Variants in CSTF3 observed in about 807,000 individuals in gnomAD.
CSTF3 encodes cleavage stimulation factor subunit 3, also known as CF-1 77 kDa subunit.
Under a neutral mutation model 105.8 loss-of-function variants are expected in CSTF3, and 29 were observed. The observed-to-expected ratio is 0.27, with a 90% CI of 0.20 to 0.37. The LOEUF is 0.37. Ranked by LOEUF, CSTF3 falls within the 10% of genes least tolerant of loss-of-function variation. CSTF3 has a pLI of 1.00. For missense variants in CSTF3, 357 were observed against 879.3 expected (o/e 0.41, Z 7.51); for synonymous variants, 252 against 281.9 (o/e 0.89, Z 1.06).
intron 1 of CSTF3, among the ~76,000 whole-genome samples, chr11:33,152,824 G>T (rs1048162532): frequency 2.6e-5 from 4 of 151,982 alleles, no homozygotes; most frequent in Non-Finnish European, 5.9e-5. Flanking sequence ...GCTGGGTGTG[G>T]GCACATGCCT....
intron 1 of CSTF3, among the ~76,000 whole-genome samples, chr11:33,155,690 T>C (rs1406395242): frequency 6.6e-6 from 1 of 152,120 alleles, no homozygotes; most frequent in African/African-American, 2.4e-5. Flanking sequence ...AATCTAAAGA[T>C]AGTTTAAACA....
Position 33,136,486 on chromosome 11 carries a change from A to G in CSTF3, c.225+5181T>C, listed in dbSNP as rs1235695788. ...TCTTCATTTCCTGGAAGTGCCTTGA[A>G]CCAGACTCATTCCAAAGGAATAGCT... On this transcript the variant is annotated intron_variant, in intron 3 of 20. Coordinates refer to ENST00000323959, the MANE Select transcript of CSTF3 (RefSeq NM_001326.3). Among the ~76,000 whole-genome samples the G allele has an allele frequency of 8.5e-5, 13 of 152,126 alleles. No individual in the cohort carries two copies. In the East Asian group the frequency reaches 2.5e-3, roughly 29 times the overall value.
intron 8 of CSTF3, among the ~76,000 whole-genome samples, chr11:33,103,682 A>C (rs1398086986): frequency 6.6e-6 from 1 of 152,032 alleles, no homozygotes; most frequent in African/African-American, 2.4e-5. Flanking sequence ...AGGCAGGAGA[A>C]TTGCTTGAAA....
At chr11:33,142,100 A>G in intron 1 of CSTF3, 114 bp from the exon 2 acceptor site, 1 of 1,489,698 alleles carries the variant, frequency 6.7e-7, no homozygotes, top group Non-Finnish European at 9.0e-7. Flanking sequence ...AAGCATAAAA[A>G]TATCCTCTTA....
chr11:33,095,714 C>A (rs929113912), intron 15 of CSTF3, among the ~76,000 whole-genome samples: 1 of 150,712 alleles, frequency 6.6e-6, no homozygotes, highest in Non-Finnish European at 1.5e-5. Flanking sequence ...CCAGCTACTC[C>A]GGAGGCTGAG....
Position 33,113,243 on chromosome 11 carries a change from A to G in CSTF3, c.226-4825T>C, listed in dbSNP as rs566295628. Among the ~76,000 whole-genome samples, 279 of 145,976 alleles carry G rather than the reference A, an allele frequency of 1.9e-3. 2 individuals are homozygous for G. The highest frequency in any genetic ancestry group is 6.2e-3 in the African/African-American group (251 of 40,632). On this transcript the variant is annotated intron_variant, in intron 3 of 20. Transcript: ENST00000323959. ...TAAATAAATAAATAAATAAATAAAT[A>G]AATGAATAAGACCATTATATGCATA...
chr11:33,099,157 G>GA lies in CSTF3; in HGVS notation c.937-8dup, dbSNP rs746570937. 9.6e-6 allele frequency: 15 copies of GA among 1,566,724 alleles called. No individual in the cohort carries two copies. Among genetic ancestry groups the GA allele is most frequent in the South Asian group, 7.3e-5 (6 of 82,136 alleles). ...ATTTGGCATTATTCATATCCTGGTAGAAAAAAAAGAAAGCTCATCTTCAAT... is the reference window on the plus strand; with the variant it reads ...ATTTGGCATTATTCATATCCTGGTAGAAAAAAAAAGAAAGCTCATCTTCAAT... On this transcript the variant is annotated splice_polypyrimidine_tract_variant and splice_region_variant and intron_variant, in intron 11 of 20. Coordinates refer to ENST00000323959, the MANE Select transcript of CSTF3 (RefSeq NM_001326.3). The surrounding 1 kb of genome is among the most constrained non-coding windows in gnomAD (Gnocchi z 4.1).
chr11:33,155,256 AGG>A (rs1162796515), intron 1 of CSTF3, among the ~76,000 whole-genome samples: 2 of 151,816 alleles, frequency 1.3e-5, no homozygotes, highest in African/African-American at 4.8e-5. Context: ...CCCCGCTACT[AGG>A]GAGGCTGAGG....
chr11:33,125,125 A>G (rs1298954217), intron 3 of CSTF3, among the ~76,000 whole-genome samples: 1 of 152,198 alleles, frequency 6.6e-6, no homozygotes. Context: ...CTCTACTTCT[A>G]GAACTTCAAG....
At chr11:33,161,172 TTC>T (rs1276260362) in intron 1 of CSTF3, 125 bp downstream of exon 1, 6 of 941,444 alleles carry the variant, frequency 6.4e-6, no homozygotes, top group Non-Finnish European at 9.6e-6. Context: ...CCCACCACTC[TTC>T]TATATACCCT....
At chr11:33,105,974 T>C (rs1565006181) in intron 6 of CSTF3, 24 bp downstream of exon 6, 1 of 1,588,504 alleles carries the variant, frequency 6.3e-7, no homozygotes, top group Admixed American at 1.7e-5. Flanking sequence ...TTTAAGTGCA[T>C]ACATTAAAAA....
intron 1 of CSTF3, among the ~76,000 whole-genome samples, chr11:33,148,114 G>T (rs1443995487): frequency 1.3e-5 from 2 of 152,078 alleles, no homozygotes; most frequent in African/African-American, 2.4e-5. Flanking sequence ...ATCAGGTAAG[G>T]TATACCATAT....
At chr11:33,118,149 G>T (rs1429815422) in intron 3 of CSTF3, among the ~76,000 whole-genome samples, 1 of 150,996 alleles carries the variant, frequency 6.6e-6, no homozygotes, top group Non-Finnish European at 1.5e-5. Context: ...TCTCTTCGGA[G>T]TAATTCATTG....
intron 1 of CSTF3, among the ~76,000 whole-genome samples, chr11:33,154,253 G>T (rs1035998774): frequency 6.6e-6 from 1 of 151,880 alleles, no homozygotes. Context: ...GACATAAATG[G>T]GCCATGGGCT....
In CSTF3 at chr11:33,139,514, G is replaced by T. The variant is rs185074546; in HGVS notation, c.225+2153C>A. ...TATTAATGGCCACATTGAGTGATAT[G>T]ATCAAAGAAAACTTTAGCCTCTCAC... On this transcript the variant is annotated intron_variant, in intron 3 of 20. Transcript: ENST00000323959. 6.5e-4 allele frequency among the ~76,000 whole-genome samples: 99 copies of T among 151,840 alleles called. 2 individuals are homozygous for T. In the East Asian group the frequency reaches 0.016, roughly 24 times the overall value.
At chr11:33,103,773 G>GA (rs557279404) in intron 8 of CSTF3, among the ~76,000 whole-genome samples, 18 of 148,736 alleles carry the variant, frequency 1.2e-4, no homozygotes, top group South Asian at 4.3e-4. Context: ...CTGTCTCAAA[G>GA]AAAAAAAAAA....
At position 33,090,599 on chromosome 11, in the gene CSTF3, A is replaced by G; in HGVS notation, c.1574T>C (p.Val525Ala). Residue 525 changes from valine (V) to alanine (A), a missense_variant, in exon 17 of 21, where the codon GTA (valine) becomes GCA (alanine). This residue lies in a region of CSTF3 where 206 missense variants were observed against 576.5 expected (regional missense o/e 0.36). Transcript: ENST00000323959. ...EYEGKETALL[V>A]DRYKFMDLYP... ...TAAATCCATGAACTTGTATCTATCT[A>G]CTAGTAAAGCCGTTTCTTTCCCTTC... is the stretch of plus-strand genomic sequence containing the variant. The G allele has an allele frequency of 6.2e-7, 1 of 1,611,042 alleles. No individual in the cohort carries two copies. The highest frequency in any genetic ancestry group is 8.5e-7 in the Non-Finnish European group (1 of 1,179,112).
intron 3 of CSTF3, among the ~76,000 whole-genome samples, chr11:33,128,399 T>C (rs1360619110): frequency 6.6e-6 from 1 of 152,138 alleles, no homozygotes; most frequent in Non-Finnish European, 1.5e-5. Flanking sequence ...CATGTAATTT[T>C]TTTTTTTGAG....
chr11:33,122,914 CAAA>C (rs10600978), intron 3 of CSTF3, among the ~76,000 whole-genome samples: 38 of 83,786 alleles, frequency 4.5e-4, no homozygotes, highest in Middle Eastern at 7.4e-3. Context: ...TATCCTGTCT[CAAA>C]AAAAAAAAAA....
Sources: gnomAD v4.1 joint callset for allele counts (sites outside exome capture counted in the v4.1 genomes callset) on GRCh38, gnomAD v4.1.1 for gene constraint, gnomAD v4.1.1 regional missense constraint, Gnocchi (gnomAD v3.1) non-coding constraint, MANE v1.5 for transcripts, NCBI Gene and HGNC (gene_info 2026-07-23, HGNC 2026-07-21) for gene names.